Variants in KANSL1L observed in about 807,000 individuals in gnomAD.
KANSL1L encodes the protein KAT8 regulatory NSL complex subunit 1 like.
A neutral mutation model predicts 108.6 loss-of-function variants in KANSL1L; 25 were observed. That is an observed-to-expected ratio of 0.23 (90% CI 0.17 to 0.32). The LOEUF is 0.32. KANSL1L is among the 10% of genes least tolerant of loss of function. The probability of loss-of-function intolerance (pLI) is 1.00; values close to 1 mark genes in which losing one functional copy is unlikely to be tolerated. For missense variants in KANSL1L, 1,137 were observed against 1,125.7 expected, an observed-to-expected ratio of 1.01 and a Z score of -0.14; for synonymous variants, 405 against 395.1, an observed-to-expected ratio of 1.03 and a Z score of -0.30.
chr2:210,055,282 T>C (rs1172464777), intron 6 of KANSL1L, among the ~76,000 whole-genome samples: 1 of 152,228 alleles, frequency 6.6e-6, no homozygotes, highest in East Asian at 1.9e-4. Context: ...GAACTGTAAG[T>C]CAAACCTCTT....
At chr2:210,107,947 A>C (rs1191619778) in intron 3 of KANSL1L, among the ~76,000 whole-genome samples, 2 of 152,184 alleles carry the variant, frequency 1.3e-5, no homozygotes, top group Admixed American at 6.5e-5. Context: ...GGATATTTAC[A>C]AAACAGCATC....
intron 5 of KANSL1L, chr2:210,096,443 T>C (rs1212448996): frequency 2.1e-6 from 2 of 962,274 alleles, no homozygotes; most frequent in Admixed American, 6.2e-5. Flanking sequence ...TAAATAATTA[T>C]GCAATCAATG....
chr2:210,111,786 G>T (rs2094908113), intron 3 of KANSL1L, among the ~76,000 whole-genome samples: 1 of 151,646 alleles, frequency 6.6e-6, no homozygotes, highest in Admixed American at 6.6e-5. Context: ...ACAACGTGCA[G>T]GTTTGTTACA....
At chr2:210,071,554 C>T (rs1188594950) in intron 6 of KANSL1L, among the ~76,000 whole-genome samples, 1 of 152,162 alleles carries the variant, frequency 6.6e-6, no homozygotes, top group Non-Finnish European at 1.5e-5. Flanking sequence ...CAGGCATGAG[C>T]TGCCATGCCC....
Position 210,050,137 on chromosome 2 carries a change from C to G in KANSL1L, c.1756-6033G>C, listed in dbSNP as rs116598794. On this transcript the variant is annotated intron_variant, in intron 6 of 14. Coordinates refer to ENST00000281772, the MANE Select transcript of KANSL1L (RefSeq NM_152519.4). Reference sequence around the variant, plus strand: ...AGCCTAGAAAGGCTCCAGAAATCCTCACAGGGTGTCTTTCAATCTTTTGCT... The same window carrying G: ...AGCCTAGAAAGGCTCCAGAAATCCTGACAGGGTGTCTTTCAATCTTTTGCT... 4.7e-3 allele frequency among the ~76,000 whole-genome samples: 721 copies of G among 152,298 alleles called. 7 individuals carry two copies. The highest frequency in any genetic ancestry group is 4.5e-3 in the Non-Finnish European group (308 of 68,026).
At chr2:210,128,976 G>C in intron 3 of KANSL1L, 55 bp downstream of exon 3, 2 of 1,376,096 alleles carry the variant, frequency 1.5e-6, no homozygotes, top group Non-Finnish European at 2.0e-6. Flanking sequence ...AAATGAGAAG[G>C]AATGAAAACA....
intron 6 of KANSL1L, among the ~76,000 whole-genome samples, chr2:210,071,119 G>C (rs954566586): frequency 4.6e-5 from 7 of 151,940 alleles, no homozygotes; most frequent in African/African-American, 7.2e-5. Context: ...GATTGTGCCA[G>C]TGCACTCCAG....
chr2:210,151,057 A>G lies in KANSL1L; in HGVS notation c.1088+2438T>C, dbSNP rs910578159. Among the ~76,000 whole-genome samples the G allele has an allele frequency of 8.5e-5, 13 of 152,178 alleles. No homozygotes were observed. The East Asian group carries it at 2.5e-3, about 30-fold the overall frequency. On this transcript the variant is annotated intron_variant, in intron 2 of 14. Transcript: ENST00000281772. ...TTGATATGAGTTTTACTCCCGTCAC[A>G]CAGACTGGAGTGCAAGGGGGTGATA...
chr2:210,108,603 A>G (rs2094873895), intron 3 of KANSL1L, among the ~76,000 whole-genome samples: 1 of 152,226 alleles, frequency 6.6e-6, no homozygotes, highest in Non-Finnish European at 1.5e-5. Context: ...ACTCATTCTT[A>G]GAACTCTATT....
At chr2:210,076,501 T>C (rs1446005134) in intron 5 of KANSL1L, among the ~76,000 whole-genome samples, 1 of 152,190 alleles carries the variant, frequency 6.6e-6, no homozygotes, top group Non-Finnish European at 1.5e-5. Context: ...GTTGCTCTTA[T>C]ATAAGCACTA....
At chr2:210,055,197 G>A (rs550060826) in intron 6 of KANSL1L, among the ~76,000 whole-genome samples, 37 of 152,246 alleles carry the variant, frequency 2.4e-4, no homozygotes, top group Middle Eastern at 3.4e-3. Context: ...TCTTCTTGCC[G>A]CCACGTGAAG....
At chr2:210,107,045 A>C (rs2094853906) in intron 3 of KANSL1L, among the ~76,000 whole-genome samples, 1 of 152,168 alleles carries the variant, frequency 6.6e-6, no homozygotes, top group African/African-American at 2.4e-5. Context: ...ATATTTTTAG[A>C]AAAACGAGTT....
chr2:210,104,069 A>C, intron 4 of KANSL1L, 35 bp downstream of exon 4: 1 of 1,501,750 alleles, frequency 6.7e-7, no homozygotes, highest in South Asian at 1.1e-5. Flanking sequence ...ATGAAAAGTC[A>C]TTTCATACCA....
Position 210,154,141 on chromosome 2 carries a change from C to G in KANSL1L, c.442G>C (p.Asp148His). The G allele has an allele frequency of 6.2e-7, 1 of 1,614,056 alleles. No homozygotes were observed. Residue 148 changes from aspartate to histidine, a missense_variant, in exon 2 of 15, where the codon GAT (aspartate) becomes CAT (histidine). Physicochemically the swap from Asp to His is moderately conservative, Grantham distance 81 (BLOSUM62 -1). Transcript: ENST00000281772. ...LSDTTSQCMK[D>H]VQIILDSNIT... ...TTTGAATCCAGAATAATTTGTACAT[C>G]TTTCATGCACTGGCTCGTGGTATCT...
intron 6 of KANSL1L, among the ~76,000 whole-genome samples, chr2:210,070,136 G>C (rs371933955): frequency 5.2e-4 from 77 of 146,968 alleles, no homozygotes; most frequent in East Asian, 2.5e-3. Flanking sequence ...CTTGGCCCCT[G>C]ACATTCTTTA....
chr2:210,110,899 C>A (rs771858878), intron 3 of KANSL1L, among the ~76,000 whole-genome samples: 5 of 151,968 alleles, frequency 3.3e-5, no homozygotes, highest in Non-Finnish European at 7.4e-5. Flanking sequence ...ATAGCTTGAG[C>A]CCAGGAGCTT....
intron 6 of KANSL1L, among the ~76,000 whole-genome samples, chr2:210,051,028 C>T (rs1299960974): frequency 6.6e-6 from 1 of 152,090 alleles, no homozygotes; most frequent in Non-Finnish European, 1.5e-5. Context: ...CCAGCCCATA[C>T]ACTCTTTTCA....
chr2:210,057,808 T>C (rs2094369838), intron 6 of KANSL1L, among the ~76,000 whole-genome samples: 1 of 152,226 alleles, frequency 6.6e-6, no homozygotes, highest in Non-Finnish European at 1.5e-5. Flanking sequence ...TGGACACTTA[T>C]CACTTCCCCA....
At chr2:210,131,758 G>A (rs570713764) in intron 2 of KANSL1L, among the ~76,000 whole-genome samples, 8 of 150,756 alleles carry the variant, frequency 5.3e-5, no homozygotes, top group African/African-American at 1.5e-4. Flanking sequence ...GGAGTGCAGC[G>A]GTGCGATCTC....
Sources: allele counts gnomAD v4.1 joint callset (sites outside exome capture counted in the v4.1 genomes callset), GRCh38; gene constraint gnomAD v4.1.1; transcripts MANE v1.5; gene names NCBI Gene and HGNC (gene_info 2026-07-23, HGNC 2026-07-21).